The following ZNF541 variants were observed in gnomAD, a reference collection of about 807,000 sequenced individuals.
The protein encoded by ZNF541 is zinc finger protein 541.
ZNF541 carries 23 observed loss-of-function variants against 123.5 expected under a neutral mutation model. That is an observed-to-expected ratio of 0.19 (90% CI 0.13 to 0.26). The LOEUF (loss-of-function observed/expected upper bound fraction) is 0.26. ZNF541 is among the 10% of genes least tolerant of loss of function. ZNF541 has a pLI of 1.00. For missense variants in ZNF541, 1,612 were observed against 1,789.9 expected (o/e 0.90, Z 1.79); for synonymous variants, 751 against 754.5 (o/e 1.00, Z 0.08).
At chr19:47,561,630 G>C (rs1230315836) in intron 2 of ZNF541, among the ~76,000 whole-genome samples, 1 of 152,058 alleles carries the variant, frequency 6.6e-6, no homozygotes, top group Non-Finnish European at 1.5e-5. Flanking sequence ...TGAAGGCGAA[G>C]GTAGGGTTGT....
intron 2 of ZNF541, among the ~76,000 whole-genome samples, chr19:47,566,457 T>C (rs1034515509): frequency 3.9e-5 from 6 of 152,008 alleles, no homozygotes; most frequent in Admixed American, 1.3e-4. Flanking sequence ...AGTTAAAGAA[T>C]AGATGGGGCC....
In ZNF541 at chr19:47,538,132, C is replaced by G. The variant is rs930618342; in HGVS notation, c.3094+10G>C. The G allele has an allele frequency of 1.3e-6, 2 of 1,549,768 alleles. No homozygotes were observed. Among genetic ancestry groups the G allele is most frequent in the Admixed American group, 2.0e-5 (1 of 50,940 alleles). ...TGGGATCACAGAGTGAGTGCCCCAG[C>G]CTCACTCACCGAGCATGGAGCTGAT... On this transcript the variant is annotated intron_variant, in intron 9 of 16. Transcript: ENST00000391901.
intron 3 of ZNF541, among the ~76,000 whole-genome samples, chr19:47,551,210 T>C (rs1184600064): frequency 6.6e-6 from 1 of 151,964 alleles, no homozygotes; most frequent in Non-Finnish European, 1.5e-5. Context: ...CAACTAACTT[T>C]TGTATTTTTA....
At chr19:47,554,967 G>A (rs895674231) in intron 3 of ZNF541, among the ~76,000 whole-genome samples, 10 of 151,696 alleles carry the variant, frequency 6.6e-5, no homozygotes, top group Admixed American at 5.3e-4. Context: ...GGTGGCAGGC[G>A]CCTGTAATCC....
At chr19:47,524,338 C>T (rs1969184180) in intron 14 of ZNF541, among the ~76,000 whole-genome samples, 1 of 152,142 alleles carries the variant, frequency 6.6e-6, no homozygotes, top group Non-Finnish European at 1.5e-5. Context: ...AAAGTCAACC[C>T]ACCAGAGACA....
In ZNF541 at chr19:47,545,593, T is replaced by G; in HGVS notation, c.936A>C (p.Ser312=). ...CTGGGGTGCAGGACGAGGACCCCGATGAGGCGGGGCAGGGACAGGCAGTGT... is the reference window on the plus strand; with the variant it reads ...CTGGGGTGCAGGACGAGGACCCCGAGGAGGCGGGGCAGGGACAGGCAGTGT... The part of the protein sequence containing the change: ...GRNTACPCPA[S]SGSSSCTPAG... Residue 312 remains serine (S), a synonymous_variant, in exon 5 of 17, where the codon TCA becomes TCC. Coordinates refer to ENST00000391901, the MANE Select transcript of ZNF541 (RefSeq NM_001277075.3). This position sits in a 1 kb window ranked among gnomAD's most constrained non-coding sequence, Gnocchi z 7.5. 4 of 1,546,010 alleles carry G rather than the reference T, an allele frequency of 2.6e-6. No individual in the cohort carries two copies. Among genetic ancestry groups the G allele is most frequent in the Non-Finnish European group, 2.6e-6 (3 of 1,143,414 alleles).
chr19:47,534,913 T>C (rs1194431446), intron 9 of ZNF541, among the ~76,000 whole-genome samples: 1 of 151,908 alleles, frequency 6.6e-6, no homozygotes, highest in East Asian at 1.9e-4. Context: ...CCTCATGTAA[T>C]ATATAAAAGT....
rs151317140 is a variant in ZNF541, at chr19:47,551,676, C to A, written c.308-2191G>T. ...ACCTCAGCCTATTGAGTAGCACGGG[C>A]CACCACCACCCCAGCTGATTTTTAA... On this transcript the variant is annotated intron_variant, in intron 3 of 16. Transcript: ENST00000391901. Among the ~76,000 whole-genome samples, 552 of 150,702 alleles carry A rather than the reference C, an allele frequency of 3.7e-3. 8 individuals are homozygous for A. The highest frequency in any genetic ancestry group is 0.012 in the African/African-American group (502 of 41,014).
chr19:47,573,288 G>T (rs1292653220), upstream of ZNF541, among the ~76,000 whole-genome samples: 1 of 151,924 alleles, frequency 6.6e-6, no homozygotes, highest in Non-Finnish European at 1.5e-5. Context: ...CCTCCTGGCC[G>T]CGCGCTCTCG....
At chr19:47,571,787 A>AT (rs1971486881) in intron 2 of ZNF541, among the ~76,000 whole-genome samples, 109 bp downstream of exon 2, 1 of 152,204 alleles carries the variant, frequency 6.6e-6, no homozygotes, top group African/African-American at 2.4e-5. Flanking sequence ...AACTTGTATG[A>AT]TTACCATTAG....
At chr19:47,566,006 G>A (rs190469369) in intron 2 of ZNF541, among the ~76,000 whole-genome samples, 140 of 151,908 alleles carry the variant, frequency 9.2e-4, no homozygotes, top group Admixed American at 1.6e-3. Flanking sequence ...GCGAAACCCC[G>A]TCTCTACTAA....
Position 47,549,307 on chromosome 19 carries a change from G to A in ZNF541, c.486C>T (p.His162=). Residue 162 remains histidine, a synonymous_variant, in exon 4 of 17, where the codon CAC becomes CAT. Transcript: ENST00000391901. ...TGCAGACGTGCTTCCTTTCCTGGCT[G>A]TGTGTCAGGTAGTGCTTGCTCAGAG... The part of the protein sequence containing the change: ...ASSLSKHYLT[H]SQERKHVCKI... The A allele has an allele frequency of 6.4e-7, 1 of 1,551,874 alleles. No homozygotes were observed.
intron 3 of ZNF541, among the ~76,000 whole-genome samples, chr19:47,552,860 C>T (rs1041959857): frequency 2.0e-5 from 3 of 151,042 alleles, no homozygotes; most frequent in Admixed American, 2.0e-4. Context: ...CCTGTAATCC[C>T]AGCACTTTGG....
chr19:47,568,941 A>G lies in ZNF541; in HGVS notation c.-99+2955T>C, dbSNP rs531254307. Among the ~76,000 whole-genome samples, 14 of 152,254 alleles carry G rather than the reference A, an allele frequency of 9.2e-5. No homozygotes were observed. In the East Asian group the frequency reaches 2.7e-3, roughly 29 times the overall value. ...CACCTCGGCCTCTCAAAATGCTAGG[A>G]TTACAGGCGTGAGCCACTGTGCCCA... On this transcript the variant is annotated intron_variant, in intron 2 of 16. Coordinates refer to ENST00000391901, the MANE Select transcript of ZNF541 (RefSeq NM_001277075.3).
chr19:47,523,482 G>A (rs1020006402), intron 14 of ZNF541, among the ~76,000 whole-genome samples: 2 of 151,426 alleles, frequency 1.3e-5, no homozygotes, highest in South Asian at 2.1e-4. Flanking sequence ...ATTCACAAAC[G>A]AGGAGTCAAA....
At chr19:47,552,742 C>CAAAA (rs573248609) in intron 3 of ZNF541, among the ~76,000 whole-genome samples, 513 of 26,084 alleles carry the variant, frequency 0.02, 133 homozygotes, top group African/African-American at 0.05. Context: ...GACTCCATCT[C>CAAAA]AAAAAAAAAA....
At position 47,545,540 on chromosome 19, in the gene ZNF541, A is replaced by G; in HGVS notation, c.989T>C (p.Leu330Pro). The G allele has an allele frequency of 6.5e-7, 1 of 1,529,730 alleles. No individual in the cohort carries two copies. The highest frequency in any genetic ancestry group is 8.8e-7 in the Non-Finnish European group (1 of 1,134,796). The allele number at this position is 1,529,730 out of a possible 1,614,324, so 94.8% of individuals were successfully genotyped here. A position where few individuals can be genotyped will look rare whatever the true frequency, so the allele number is the denominator to read the frequency against. The change falls in exon 5 of 17, where the codon CTG becomes CCG. Residue 330 changes from leucine to proline, a missense_variant. Transcript: ENST00000391901. The surrounding 1 kb of genome is among the most constrained non-coding windows in gnomAD (Gnocchi z 7.5). ...PAGPHAAPAA[L>P]DTELPEEPCL... is the part of the protein sequence containing the mutation. ...AGGCTCCTCGGGAAGCTCGGTGTCCAGCGCTGCTGGGGCCGCGTGGGGGCC... is the reference window on the plus strand; with the variant it reads ...AGGCTCCTCGGGAAGCTCGGTGTCCGGCGCTGCTGGGGCCGCGTGGGGGCC...
At chr19:47,536,847 A>G (rs1009402115) in intron 9 of ZNF541, among the ~76,000 whole-genome samples, 1 of 152,214 alleles carries the variant, frequency 6.6e-6, no homozygotes, top group South Asian at 2.1e-4. Context: ...ATGTCCATCA[A>G]CTGATAAATA....
intron 5 of ZNF541, among the ~76,000 whole-genome samples, chr19:47,543,402 T>C (rs1479606504): frequency 1.3e-5 from 2 of 152,104 alleles, no homozygotes; most frequent in Admixed American, 6.6e-5. Flanking sequence ...TAATTATCAA[T>C]GTGCTTAAGT....
Sources: allele counts gnomAD v4.1 joint callset (sites outside exome capture counted in the v4.1 genomes callset), GRCh38; gene constraint gnomAD v4.1.1; non-coding constraint Gnocchi (gnomAD v3.1); transcripts MANE v1.5; gene names NCBI Gene and HGNC (gene_info 2026-07-23, HGNC 2026-07-21).